DNAI1: variants seen among roughly 807,000 people sequenced by gnomAD.
The protein encoded by DNAI1 is dynein axonemal intermediate chain 1.
In DNAI1, 67 loss-of-function variants were observed where a neutral mutation model predicts 92.0. That is an observed-to-expected ratio of 0.73 (90% CI 0.60 to 0.89). The LOEUF (loss-of-function observed/expected upper bound fraction) is 0.89, where lower values mean the gene tolerates loss of function less well. Ranked by LOEUF, DNAI1 falls within the 40% of genes least tolerant of loss-of-function variation. The pLI, the probability that DNAI1 is intolerant of heterozygous loss-of-function variation, is 0.00. For synonymous variants in DNAI1, 323 were observed against 319.6 expected (o/e 1.01, Z -0.11); for missense variants, 839 against 866.6 (o/e 0.97, Z 0.40).
chr9:34,493,542 GA>G (rs1824656426), intron 9 of DNAI1, among the ~76,000 whole-genome samples: 1 of 152,122 alleles, frequency 6.6e-6, no homozygotes, highest in South Asian at 2.1e-4. Context: ...GATAGATCTG[GA>G]GGCTAGCAGT....
intron 5 of DNAI1, 103 bp downstream of exon 5, chr9:34,489,552 G>A (rs750609628): frequency 2.3e-5 from 32 of 1,417,896 alleles, no homozygotes; most frequent in Non-Finnish European, 3.0e-5. Flanking sequence ...CAGAGCTTCT[G>A]CTAACATAAA....
At chr9:34,511,839 C>T (rs994281065) in intron 13 of DNAI1, among the ~76,000 whole-genome samples, 4 of 152,172 alleles carry the variant, frequency 2.6e-5, no homozygotes, top group African/African-American at 9.6e-5. Flanking sequence ...TTGGGTACCT[C>T]CACTGCCAAG....
Position 34,483,602 on chromosome 9 carries a change from C to G in DNAI1, c.81+122C>G, listed in dbSNP as rs890459629. ...CTAAAAGAAGAATGTTAAAATCACC[C>G]TTAAACCTACCACCTTATAATAACT... On this transcript the variant is annotated intron_variant, in intron 2 of 19. Transcript: ENST00000242317. 1.1e-5 allele frequency: 10 copies of G among 897,198 alleles called. No homozygotes were observed. The Admixed American group carries it at 1.9e-4, about 17-fold the overall frequency. 55.6% of individuals were successfully genotyped at this position (897,198 alleles called of 1,614,324 possible). A position where few individuals can be genotyped will look rare whatever the true frequency, so the allele number is the denominator to read the frequency against.
intron 1 of DNAI1, among the ~76,000 whole-genome samples, chr9:34,482,793 A>G (rs1024692069): frequency 6.6e-6 from 1 of 152,218 alleles, no homozygotes; most frequent in African/African-American, 2.4e-5. Context: ...GGTCGATGGG[A>G]CTGGGCGCCG....
intron 1 of DNAI1, among the ~76,000 whole-genome samples, chr9:34,479,341 G>A (rs1322439176): frequency 6.6e-6 from 1 of 152,198 alleles, no homozygotes; most frequent in Non-Finnish European, 1.5e-5. Flanking sequence ...TCTGTCTCAG[G>A]CTTCTCATTC....
At chr9:34,496,542 G>A (rs1381571987) in intron 9 of DNAI1, among the ~76,000 whole-genome samples, 1 of 152,164 alleles carries the variant, frequency 6.6e-6, no homozygotes, top group East Asian at 1.9e-4. Context: ...TTTCTCATTG[G>A]TCTGGGCTGT....
At chr9:34,507,706 A>C (rs900343714) in intron 13 of DNAI1, among the ~76,000 whole-genome samples, 2 of 152,204 alleles carry the variant, frequency 1.3e-5, no homozygotes, top group African/African-American at 2.4e-5. Context: ...TTCCTCTGCC[A>C]TCTGGGCTAG....
chr9:34,509,211 G>C, intron 13 of DNAI1, among the ~76,000 whole-genome samples: 1 of 152,130 alleles, frequency 6.6e-6, no homozygotes, highest in East Asian at 1.9e-4. Flanking sequence ...TCTAGAGGAA[G>C]CAACACCTGA....
intron 14 of DNAI1, 31 bp downstream of exon 14, chr9:34,512,229 G>A (rs1248930295): frequency 6.2e-7 from 1 of 1,613,112 alleles, no homozygotes. Context: ...GTCACACTGG[G>A]GTGATTGGGG....
intron 3 of DNAI1, 42 bp from the exon 4 acceptor site, chr9:34,485,395 G>A (rs1459046474): frequency 6.2e-7 from 1 of 1,602,870 alleles, no homozygotes; most frequent in South Asian, 1.1e-5. Context: ...ATAGGGTTGG[G>A]GGGTCTTCAT....
At chr9:34,459,216 C>G (rs1823890788) in intron 1 of DNAI1, among the ~76,000 whole-genome samples, 163 bp downstream of exon 1, 1 of 152,062 alleles carries the variant, frequency 6.6e-6, no homozygotes, top group African/African-American at 2.4e-5. Flanking sequence ...TGACTCTGTC[C>G]TACTCTTTCC....
rs540836916 is a variant in DNAI1, at chr9:34,488,020, T to G, written c.262-1303T>G. ...TCAACTACTGGGGACAAGATGAAGG[T>G]GAAATCTCAAATGAAACTGTAAGGG... On this transcript the variant is annotated intron_variant, in intron 4 of 19. Coordinates refer to ENST00000242317, the MANE Select transcript of DNAI1 (RefSeq NM_012144.4). 133 of 365,720 alleles carry G rather than the reference T, an allele frequency of 3.6e-4. 2 individuals are homozygous for G. The highest frequency in any genetic ancestry group is 2.7e-3 in the South Asian group (131 of 48,442). 22.7% of individuals were successfully genotyped at this position (365,720 alleles called of 1,614,324 possible).
rs186896504 is a variant in DNAI1 at position 34,506,514 on chromosome 9, G to A, written c.1064-113G>A. 962 of 1,428,948 alleles carry A rather than the reference G, an allele frequency of 6.7e-4. 4 individuals carry two copies. Among genetic ancestry groups the A allele is most frequent in the Admixed American group, 2.4e-3 (132 of 54,538 alleles). The allele number at this position is 1,428,948 out of a possible 1,614,324, so 88.5% of individuals were successfully genotyped here. ...ATCCCAGAGAGGAATCCCACACTCT[G>A]ACAGATGCAGAGCAGGGCAGGGCTT... On this transcript the variant is annotated intron_variant, in intron 12 of 19. Coordinates refer to ENST00000242317, the MANE Select transcript of DNAI1 (RefSeq NM_012144.4).
chr9:34,473,952 T>C (rs1824190077), intron 1 of DNAI1, among the ~76,000 whole-genome samples: 1 of 152,112 alleles, frequency 6.6e-6, no homozygotes, highest in Non-Finnish European at 1.5e-5. Context: ...GGTCTCGAAC[T>C]CCTGGACTCA....
intron 16 of DNAI1, among the ~76,000 whole-genome samples, chr9:34,514,039 G>A (rs146686687): frequency 1.3e-3 from 199 of 152,318 alleles, no homozygotes; most frequent in African/African-American, 4.6e-3. Flanking sequence ...GTCCTGGCCT[G>A]GAAGATGGCC....
intron 1 of DNAI1, among the ~76,000 whole-genome samples, chr9:34,468,844 G>T (rs1370536947): frequency 6.6e-6 from 1 of 150,464 alleles, no homozygotes; most frequent in Non-Finnish European, 1.5e-5. Flanking sequence ...AAAGAGAAAA[G>T]AAAAAGAAAA....
At chr9:34,461,442 C>T (rs1823949891) in intron 1 of DNAI1, among the ~76,000 whole-genome samples, 1 of 152,244 alleles carries the variant, frequency 6.6e-6, no homozygotes, top group Non-Finnish European at 1.5e-5. Context: ...CCCTGTGCCT[C>T]ATCCCACCTC....
At chr9:34,512,315 A>G in intron 14 of DNAI1, 22 bp from the exon 15 acceptor site, 2 of 1,613,770 alleles carry the variant, frequency 1.2e-6, no homozygotes, top group South Asian at 1.1e-5. Flanking sequence ...TCCCCCCCAC[A>G]TCCCTCTGTC....
At chr9:34,498,757 C>G (rs1198760816) in intron 10 of DNAI1, among the ~76,000 whole-genome samples, 1 of 152,218 alleles carries the variant, frequency 6.6e-6, no homozygotes, top group Non-Finnish European at 1.5e-5. Context: ...TAGGGCTCTT[C>G]TTGGTGACTT....
Sources: gnomAD v4.1 joint callset for allele counts (sites outside exome capture counted in the v4.1 genomes callset) on GRCh38, gnomAD v4.1.1 for gene constraint, MANE v1.5 for transcripts, NCBI Gene and HGNC (gene_info 2026-07-23, HGNC 2026-07-21) for gene names.